NIPAL4: variants seen among roughly 807,000 people sequenced by gnomAD.
The protein encoded by NIPAL4 is NIPA like domain containing 4.
In NIPAL4, 21 loss-of-function variants were observed where a neutral mutation model predicts 31.6. The observed-to-expected ratio is 0.67, with a 90% CI of 0.47 to 0.96. The LOEUF is 0.96. NIPAL4 is among the 40% of genes least tolerant of loss of function. The probability of loss-of-function intolerance (pLI) is 0.00; values close to 1 mark genes in which losing one functional copy is unlikely to be tolerated. For missense variants in NIPAL4, 438 were observed against 508.0 expected, an observed-to-expected ratio of 0.86 and a Z score of 1.32; for synonymous variants, 175 against 211.1, an observed-to-expected ratio of 0.83 and a Z score of 1.48.
At chr5:157,463,946 A>C (rs1269450059) in intron 2 of NIPAL4, among the ~76,000 whole-genome samples, 1 of 152,210 alleles carries the variant, frequency 6.6e-6, no homozygotes, top group Non-Finnish European at 1.5e-5. Context: ...AATGCTAGAC[A>C]TGGGGATTCA....
At chr5:157,463,422 A>T (rs1012677035) in intron 2 of NIPAL4, 89 bp downstream of exon 2, 1 of 1,396,586 alleles carries the variant, frequency 7.2e-7, no homozygotes, top group African/African-American at 1.4e-5. Context: ...TGGCCTCAGC[A>T]AGGTACAAAA....
intron 3 of NIPAL4, 81 bp downstream of exon 3, chr5:157,467,186 T>A (rs565954019): frequency 1.0e-6 from 1 of 996,202 alleles, no homozygotes; most frequent in East Asian, 2.5e-5. Flanking sequence ...GTAGGGCATT[T>A]TTGTCTCTAG....
chr5:157,463,148 ATGACCT>A lies in NIPAL4; in HGVS notation c.93_98del (p.Asp32_Leu33del). 1 of 1,613,980 alleles carries A rather than the reference ATGACCT, an allele frequency of 6.2e-7. No homozygotes were observed. Among genetic ancestry groups the A allele is most frequent in the Non-Finnish European group, 8.5e-7 (1 of 1,179,884 alleles). ...CAAGAAGTCCTGTGCCAGATTGTCAATGACCTCAGCCCTGAGGTGCCCAGCAATGCC... is the reference window on the plus strand; with the variant it reads ...CAAGAAGTCCTGTGCCAGATTGTCAACAGCCCTGAGGTGCCCAGCAATGCC... On this transcript the variant is annotated inframe_deletion, in exon 2 of 6. Transcript: ENST00000311946.
rs200083422 is a variant in NIPAL4, at chr5:157,463,173, C to T, written c.117C>T (p.Ser39=). ...ATGACCTCAGCCCTGAGGTGCCCAG[C>T]AATGCCACCTTTCACAGCTGGCAGG... ...IVNDLSPEVP[S]NATFHSWQER... The change falls in exon 2 of 6, where the codon AGC becomes AGT. Residue 39 remains serine (S), a synonymous_variant. Transcript: ENST00000311946. 3 of 1,614,030 alleles carry T rather than the reference C, an allele frequency of 1.9e-6. No homozygotes were observed. The highest frequency in any genetic ancestry group is 4.5e-5 in the East Asian group (2 of 44,882).
chr5:157,470,709 G>A (rs2113668052), intron 4 of NIPAL4, among the ~76,000 whole-genome samples: 1 of 152,298 alleles, frequency 6.6e-6, no homozygotes, highest in East Asian at 1.9e-4. Context: ...GAGGAGCAGA[G>A]ATAGAGCAAA....
At chr5:157,471,392 G>A (rs1276525214) in intron 4 of NIPAL4, among the ~76,000 whole-genome samples, 3 of 152,154 alleles carry the variant, frequency 2.0e-5, no homozygotes, top group Non-Finnish European at 4.4e-5. Context: ...CATTTTCTGT[G>A]CATTATCTCA....
chr5:157,464,263 C>T (rs550381425), intron 2 of NIPAL4, among the ~76,000 whole-genome samples: 5 of 152,178 alleles, frequency 3.3e-5, no homozygotes, highest in South Asian at 2.1e-4. Context: ...TACTAGAAAT[C>T]GAAAGTCATT....
rs536139990 is a variant in NIPAL4, at chr5:157,472,878, A to C, written c.1133A>C (p.Lys378Thr). ...PEPTVIRLEDKNVLVDNIELA... is the reference protein window; with the variant it reads ...PEPTVIRLEDTNVLVDNIELA... ...CCCACTGTTATTAGACTGGAAGACA[A>C]GAACGTCCTTGTGGACAATATAGAA... The change falls in exon 6 of 6, where the codon AAG (lysine) becomes ACG (threonine). Residue 378 changes from lysine (K) to threonine (T), a missense_variant. Physicochemically the swap from Lys to Thr is moderately conservative, Grantham distance 78. Transcript: ENST00000311946. The C allele has an allele frequency of 6.4e-7, 1 of 1,562,066 alleles. No individual in the cohort carries two copies.
chr5:157,471,062 G>A (rs938811234), intron 4 of NIPAL4, among the ~76,000 whole-genome samples: 9 of 152,192 alleles, frequency 5.9e-5, no homozygotes, highest in African/African-American at 2.2e-4. Context: ...GGAGGACTGG[G>A]GGCAGTGGGA....
rs752443306 is a variant in NIPAL4 at position 157,467,136 on chromosome 5, G to A, written c.334+31G>A. The A allele has an allele frequency of 5.9e-6, 9 of 1,523,484 alleles. No individual in the cohort carries two copies. The East Asian group carries it at 1.8e-4, about 31-fold the overall frequency. The allele number at this position is 1,523,484 out of a possible 1,614,324, so 94.4% of individuals were successfully genotyped here. On this transcript the variant is annotated intron_variant, in intron 3 of 5. Coordinates refer to ENST00000311946, the MANE Select transcript of NIPAL4 (RefSeq NM_001099287.2). ...TGGGTTGTTTGTTACTAATAACAGT[G>A]GCCTATTGATAGCAGGGCTGGAGAC...
In NIPAL4 at chr5:157,473,303, C is replaced by G. The variant is rs935727667; in HGVS notation, c.*343C>G. 2 of 209,218 alleles carry G rather than the reference C, an allele frequency of 9.6e-6. No homozygotes were observed. The highest frequency in any genetic ancestry group is 1.9e-5 in the Non-Finnish European group (2 of 104,982). 13.0% of individuals were successfully genotyped at this position (209,218 alleles called of 1,614,324 possible). A position where few individuals can be genotyped will look rare whatever the true frequency, so the allele number is the denominator to read the frequency against. On this transcript the variant is annotated 3_prime_UTR_variant, in exon 6 of 6. Transcript: ENST00000311946. ...TGAATGTAGCACAGTCCAAGGACTT[C>G]TCTAAGATATTGGTCATTGGAAGTT...
intron 2 of NIPAL4, among the ~76,000 whole-genome samples, chr5:157,465,739 C>G (rs569821724): frequency 6.6e-6 from 1 of 152,308 alleles, no homozygotes; most frequent in Non-Finnish European, 1.5e-5. Flanking sequence ...CACCTGTAAT[C>G]CCAGCACTTT....
chr5:157,466,751 C>G (rs984157880), intron 2 of NIPAL4, among the ~76,000 whole-genome samples: 1 of 152,104 alleles, frequency 6.6e-6, no homozygotes, highest in African/African-American at 2.4e-5. Context: ...CATTTAAAAC[C>G]AAGAGCTCCA....
Position 157,473,597 on chromosome 5 carries a change from C to T in NIPAL4, c.*637C>T, listed in dbSNP as rs1754503346. The T allele has an allele frequency of 6.6e-6, 1 of 152,324 alleles. No homozygotes were observed. Among genetic ancestry groups the T allele is most frequent in the Non-Finnish European group, 1.5e-5 (1 of 68,084 alleles). 9.4% of individuals were successfully genotyped at this position (152,324 alleles called of 1,614,324 possible). A position where few individuals can be genotyped will look rare whatever the true frequency, so the allele number is the denominator to read the frequency against. ...AGGGAAAAATTTCAACCAGCTCATT[C>T]CCCGAGCACTCCAGCCTGGCAGTCA... On this transcript the variant is annotated 3_prime_UTR_variant, in exon 6 of 6. Transcript: ENST00000311946.
chr5:157,462,575 G>A (rs953236256), intron 1 of NIPAL4, among the ~76,000 whole-genome samples: 3 of 152,232 alleles, frequency 2.0e-5, no homozygotes, highest in Non-Finnish European at 4.4e-5. Context: ...TGATGGTTAA[G>A]AGCCTGGGCT....
rs559516633 is a variant in NIPAL4, at chr5:157,466,086, G to A, written c.278-963G>A. ...GAAAGGAAGGAAGGAAAGGATGGTG[G>A]GAGGGAGGGAGAGAAGGAACTCCAA... On this transcript the variant is annotated intron_variant, in intron 2 of 5. Coordinates refer to ENST00000311946, the MANE Select transcript of NIPAL4 (RefSeq NM_001099287.2). 2.0e-5 allele frequency among the ~76,000 whole-genome samples: 3 copies of A among 152,140 alleles called. No individual in the cohort carries two copies. In the South Asian group the frequency reaches 6.2e-4, roughly 32 times the overall value.
chr5:157,470,238 A>AT (rs958686198), intron 4 of NIPAL4, among the ~76,000 whole-genome samples: 10 of 151,988 alleles, frequency 6.6e-5, no homozygotes, highest in Non-Finnish European at 1.2e-4. Context: ...CTTGCCTGTG[A>AT]TTTTTTTTCC....
rs1027052344 is a variant in NIPAL4 at position 157,472,395 on chromosome 5, C to G, written c.650C>G (p.Pro217Arg). The G allele has an allele frequency of 5.0e-6, 8 of 1,612,874 alleles. No homozygotes were observed. Among genetic ancestry groups the G allele is most frequent in the Non-Finnish European group, 6.8e-6 (8 of 1,179,262 alleles). The change falls in exon 6 of 6, where the codon CCA (proline) becomes CGA (arginine). Residue 217 changes from proline to arginine, a missense_variant. Physicochemically the swap from Pro to Arg is moderately radical, Grantham distance 103. Coordinates refer to ENST00000311946, the MANE Select transcript of NIPAL4 (RefSeq NM_001099287.2). ...CTCATCCTCATCTTTGTCATTGCCC[C>G]ACGTTACGGGCAAAGGAATATCCTC... ...SCLILIFVIAPRYGQRNILIY... is the reference protein window; with the variant it reads ...SCLILIFVIARRYGQRNILIY...
At chr5:157,467,834 G>A (rs1005026711) in intron 3 of NIPAL4, 1 of 152,162 alleles carries the variant, frequency 6.6e-6, no homozygotes, top group African/African-American at 2.4e-5. Flanking sequence ...TTTACAAACT[G>A]GAAACTCAGA....
Sources: allele counts gnomAD v4.1 joint callset (sites outside exome capture counted in the v4.1 genomes callset), GRCh38; gene constraint gnomAD v4.1.1; transcripts MANE v1.5; gene names NCBI Gene and HGNC (gene_info 2026-07-23, HGNC 2026-07-21).